Variants in ADAM7 observed in about 807,000 individuals in gnomAD.
ADAM7 encodes the protein disintegrin and metalloproteinase domain-containing protein 7.
ADAM7 carries 97 observed loss-of-function variants against 102.9 expected under a neutral mutation model. The ratio of observed to expected loss-of-function variants is 0.94; its 90% confidence interval spans 0.80 to 1.12. ADAM7 has a LOEUF of 1.12. ADAM7 is among the 50% of genes most tolerant of loss of function. The probability of loss-of-function intolerance (pLI) is 0.00; values close to 1 mark genes in which losing one functional copy is unlikely to be tolerated. For synonymous variants in ADAM7, 334 were observed against 304.4 expected (o/e 1.10, Z -1.01); for missense variants, 991 against 908.7 (o/e 1.09, Z -1.16).
At chr8:24,445,218 T>G (rs1036742075) in intron 2 of ADAM7, among the ~76,000 whole-genome samples, 1 of 152,054 alleles carries the variant, frequency 6.6e-6, no homozygotes, top group Non-Finnish European at 1.5e-5. Flanking sequence ...CTCATCATGT[T>G]GCAAAATGTG....
Position 24,487,265 on chromosome 8 carries a change from G to A in ADAM7, c.1039G>A (p.Glu347Lys), listed in dbSNP as rs771552255. Residue 347 changes from glutamate (E) to lysine (K), a missense_variant, in exon 11 of 22, where the codon GAG (glutamate) becomes AAG (lysine). By Grantham distance (56) the Glu-to-Lys change is moderately conservative. Coordinates refer to ENST00000175238, the MANE Select transcript of ADAM7 (RefSeq NM_003817.4). ...LGHNLGMQHD[E>K]FPCTCPSGKC... ...GCATAACCTTGGGATGCAGCATGAC[G>A]AGTTCCCATGCACCTGTCCTTCAGG... is the stretch of plus-strand genomic sequence containing the variant. 19 of 1,613,762 alleles carry A rather than the reference G, an allele frequency of 1.2e-5. No homozygotes were observed. Among genetic ancestry groups the A allele is most frequent in the Admixed American group, 1.0e-4 (6 of 59,986 alleles).
intron 3 of ADAM7, among the ~76,000 whole-genome samples, chr8:24,447,490 A>G (rs1188374248): frequency 2.0e-5 from 3 of 152,154 alleles, no homozygotes; most frequent in African/African-American, 7.2e-5. Flanking sequence ...CCTACTTTGA[A>G]TACTTGCAGT....
Position 24,463,880 on chromosome 8 carries a change from A to C in ADAM7, c.234-2A>C, listed in dbSNP as rs1158108214. 3 of 1,612,540 alleles carry C rather than the reference A, an allele frequency of 1.9e-6. No individual in the cohort carries two copies. Among genetic ancestry groups the C allele is most frequent in the South Asian group, 2.2e-5 (2 of 91,004 alleles). On this transcript the variant is annotated splice_acceptor_variant, in intron 3 of 21. Coordinates refer to ENST00000175238, the MANE Select transcript of ADAM7 (RefSeq NM_003817.4). LOFTEE classifies it high-confidence loss of function. ...TCACCACCTGTCTGCCCTCTTTTTC[A>C]GGGAGTTCCTAGGCTCAAATTACAG...
At chr8:24,464,676 C>T (rs546879346) in intron 4 of ADAM7, among the ~76,000 whole-genome samples, 33 of 152,370 alleles carry the variant, frequency 2.2e-4, no homozygotes, top group African/African-American at 7.2e-4. Context: ...TCTCAGCTCA[C>T]TGCAACCTCC....
intron 3 of ADAM7, among the ~76,000 whole-genome samples, chr8:24,449,276 A>G (rs182334499): frequency 0.013 from 1,899 of 151,534 alleles, 41 homozygotes; most frequent in African/African-American, 0.044. Flanking sequence ...CCAACAATGT[A>G]AAAGTGTTCC....
rs1820754467 is a variant in ADAM7 at position 24,501,409 on chromosome 8, A to G, written c.2109-68A>G. On this transcript the variant is annotated intron_variant, in intron 19 of 21. Coordinates refer to ENST00000175238, the MANE Select transcript of ADAM7 (RefSeq NM_003817.4). ...ATATAAAAATTACTAAAGCTTACTC[A>G]TGAAGAAATAAATAACCTGAATAGC... 14 of 1,152,618 alleles carry G rather than the reference A, an allele frequency of 1.2e-5. No individual in the cohort carries two copies. The South Asian group carries it at 2.0e-4, about 17-fold the overall frequency. 71.4% of individuals were successfully genotyped at this position (1,152,618 alleles called of 1,614,324 possible).
chr8:24,496,778 A>C (rs1028802100), intron 16 of ADAM7, among the ~76,000 whole-genome samples: 1 of 152,196 alleles, frequency 6.6e-6, no homozygotes, highest in Non-Finnish European at 1.5e-5. Flanking sequence ...TCCAGAAAGT[A>C]AGTAACTTGC....
At chr8:24,491,006 G>A (rs1820329101) in intron 13 of ADAM7, 118 bp downstream of exon 13, 1 of 951,788 alleles carries the variant, frequency 1.1e-6, no homozygotes, top group South Asian at 1.6e-5. Context: ...AGCTAGGCTT[G>A]CAAGTACCCA....
rs144443532 is a variant in ADAM7, at chr8:24,479,889, A to T, written c.706-2253A>T. Among the ~76,000 whole-genome samples, 356 of 152,276 alleles carry T rather than the reference A, an allele frequency of 2.3e-3. 2 individuals carry two copies. Among genetic ancestry groups the T allele is most frequent in the African/African-American group, 7.9e-3 (330 of 41,536 alleles). On this transcript the variant is annotated intron_variant, in intron 8 of 21. Transcript: ENST00000175238. ...CTATGGCCTCAGTTCTGTGGTGGAT[A>T]CAGAAAAAAATATATGATTTTCTAG...
intron 3 of ADAM7, among the ~76,000 whole-genome samples, chr8:24,456,019 A>G (rs1819019779): frequency 6.6e-6 from 1 of 151,956 alleles, no homozygotes; most frequent in African/African-American, 2.4e-5. Context: ...TACTCTCACT[A>G]TTATTAAGTA....
chr8:24,482,865 G>A (rs1820008132), intron 9 of ADAM7, among the ~76,000 whole-genome samples: 3 of 152,102 alleles, frequency 2.0e-5, no homozygotes, highest in Admixed American at 6.6e-5. Context: ...ACTTAAAAAT[G>A]CCATTAGGTA....
At position 24,491,956 on chromosome 8, in the gene ADAM7, T is replaced by C. The variant is rs1316008329; in HGVS notation, c.1410T>C (p.Pro470=). Residue 470 remains proline (P), a synonymous_variant, in exon 14 of 22, where the codon CCT becomes CCC. Transcript: ENST00000175238. ...CGGCGAAAGATGAATGTGATTTTCC[T>C]GAGATGTGCACTGGCCACTCGCCTG... The part of the protein sequence containing the change: ...CRPAKDECDF[P]EMCTGHSPAC... 9 of 1,613,454 alleles carry C rather than the reference T, an allele frequency of 5.6e-6. No homozygotes were observed. The highest frequency in any genetic ancestry group is 7.6e-6 in the Non-Finnish European group (9 of 1,179,684).
intron 12 of ADAM7, among the ~76,000 whole-genome samples, chr8:24,489,735 T>C (rs537079534): frequency 6.6e-6 from 1 of 152,200 alleles, no homozygotes; most frequent in Non-Finnish European, 1.5e-5. Context: ...GGACAGTTCC[T>C]GTTAATAGAA....
chr8:24,492,675 C>T (rs1352952), intron 15 of ADAM7, 78 bp downstream of exon 15: 378,684 of 1,009,428 alleles, frequency 0.38, 74,880 homozygotes, highest in African/African-American at 0.54. Context: ...TGTCCCCAGA[C>T]CTGTTAATCT....
rs150996912 is a variant in ADAM7 at position 24,476,456 on chromosome 8, C to T, written c.657C>T (p.His219=). Residue 219 remains histidine (H), a synonymous_variant, in exon 8 of 22, where the codon CAC becomes CAT. Coordinates refer to ENST00000175238, the MANE Select transcript of ADAM7 (RefSeq NM_003817.4). ...AGTATCGCAGAAATGGTCATCCTCA[C>T]AATAAACTAAGGAACCGAATTTGGG... ...DTVYRRNGHP[H]NKLRNRIWGM... 108 of 1,606,976 alleles carry T rather than the reference C, an allele frequency of 6.7e-5. No individual in the cohort carries two copies. In the East Asian group the frequency reaches 2.2e-3, roughly 33 times the overall value.
intron 20 of ADAM7, chr8:24,506,270 T>G: frequency 2.4e-6 from 2 of 832,370 alleles, no homozygotes; most frequent in African/African-American, 1.7e-5. Context: ...ATAACATCGA[T>G]AGCTCTCTGA....
At chr8:24,474,150 A>G (rs545502429) in intron 7 of ADAM7, among the ~76,000 whole-genome samples, 2 of 152,272 alleles carry the variant, frequency 1.3e-5, no homozygotes, top group African/African-American at 4.8e-5. Flanking sequence ...ACCCATCTTA[A>G]TTGAAAAGAT....
chr8:24,487,776 C>G (rs1463577977), intron 11 of ADAM7, among the ~76,000 whole-genome samples: 2 of 152,046 alleles, frequency 1.3e-5, no homozygotes, highest in African/African-American at 4.8e-5. Flanking sequence ...TGGCAGTTTT[C>G]TTTCTGGGGC....
chr8:24,453,947 A>G (rs1351083268), intron 3 of ADAM7, among the ~76,000 whole-genome samples: 4 of 152,362 alleles, frequency 2.6e-5, no homozygotes, highest in Admixed American at 6.5e-5. Flanking sequence ...TATCCGCAGC[A>G]GTGGCTGCAG....
Sources: gnomAD v4.1 joint callset for allele counts (sites outside exome capture counted in the v4.1 genomes callset) on GRCh38, gnomAD v4.1.1 for gene constraint, MANE v1.5 for transcripts, NCBI Gene and HGNC (gene_info 2026-07-23, HGNC 2026-07-21) for gene names.